Variants in AUTS2 observed in about 807,000 individuals in gnomAD.
AUTS2 encodes the protein activator of transcription and developmental regulator AUTS2.
AUTS2 carries 17 observed loss-of-function variants against 112.4 expected under a neutral mutation model. The ratio of observed to expected loss-of-function variants is 0.15; its 90% CI spans 0.10 to 0.23. AUTS2 has a LOEUF of 0.23. Ranked by LOEUF, AUTS2 falls within the 10% of genes least tolerant of loss-of-function variation. AUTS2 has a pLI of 1.00. For synonymous variants in AUTS2, 751 were observed against 702.7 expected, an observed-to-expected ratio of 1.07 and a Z score of -1.09; for missense variants, 1,510 against 1,701.6, an observed-to-expected ratio of 0.89 and a Z score of 1.98.
chr7:69,777,564 C>G (rs960320530), intron 1 of AUTS2, among the ~76,000 whole-genome samples: 1 of 152,174 alleles, frequency 6.6e-6, no homozygotes, highest in Non-Finnish European at 1.5e-5. Context: ...CTGTTTTACT[C>G]TAAGGCCTTT....
intron 5 of AUTS2, among the ~76,000 whole-genome samples, chr7:70,463,282 A>G (rs1052368312): frequency 2.0e-5 from 3 of 152,162 alleles, no homozygotes; most frequent in African/African-American, 4.8e-5. Context: ...AAATCTAAAA[A>G]CCCGTAGAAA....
rs148636651 is a variant in AUTS2 at position 70,453,237 on chromosome 7, G to C, written c.690+17456G>C. On this transcript the variant is annotated intron_variant, in intron 5 of 18. Coordinates refer to ENST00000342771, the MANE Select transcript of AUTS2 (RefSeq NM_015570.4). ...ATTAATTCACTGCCAATGAAACAAT[G>C]ATGGGAATTTTAATGATAGCGTTGC... 6.2e-4 allele frequency among the ~76,000 whole-genome samples: 95 copies of C among 152,324 alleles called. No individual in the cohort carries two copies. The South Asian group carries it at 0.016, about 26-fold the overall frequency.
chr7:70,672,348 C>G (rs1425159825), intron 5 of AUTS2, among the ~76,000 whole-genome samples: 1 of 152,188 alleles, frequency 6.6e-6, no homozygotes, highest in Non-Finnish European at 1.5e-5. Context: ...GGCAATATTA[C>G]TTGAGAAACA....
intron 6 of AUTS2, among the ~76,000 whole-genome samples, chr7:70,722,505 C>G (rs1438438570): frequency 6.6e-6 from 1 of 152,134 alleles, no homozygotes; most frequent in African/African-American, 2.4e-5. Flanking sequence ...TTTTCTCTTC[C>G]CCTCTTTTCT....
At chr7:69,755,908 C>T (rs1787926551) in intron 1 of AUTS2, among the ~76,000 whole-genome samples, 1 of 152,078 alleles carries the variant, frequency 6.6e-6, no homozygotes, top group South Asian at 2.1e-4. Context: ...AACTACAAAC[C>T]TGAATGATTT....
At chr7:70,259,719 G>A (rs1787067290) in intron 4 of AUTS2, among the ~76,000 whole-genome samples, 1 of 152,204 alleles carries the variant, frequency 6.6e-6, no homozygotes, top group South Asian at 2.1e-4. Flanking sequence ...AGCTTGTAGA[G>A]GACTTTTCTG....
intron 5 of AUTS2, among the ~76,000 whole-genome samples, chr7:70,651,290 A>G (rs1040436760): frequency 1.8e-4 from 28 of 152,220 alleles, no homozygotes; most frequent in African/African-American, 5.8e-4. Flanking sequence ...GTGGCTTCAT[A>G]GCCTGCCCCC....
chr7:70,378,539 T>C (rs964443620), intron 4 of AUTS2, among the ~76,000 whole-genome samples: 3 of 152,240 alleles, frequency 2.0e-5, no homozygotes, highest in Non-Finnish European at 4.4e-5. Flanking sequence ...GAATATGTTA[T>C]CTGTGTGCTA....
intron 1 of AUTS2, among the ~76,000 whole-genome samples, chr7:69,719,955 A>T (rs1798831985): frequency 6.6e-6 from 1 of 152,198 alleles, no homozygotes; most frequent in Admixed American, 6.5e-5. Context: ...AAATCACTTT[A>T]TTCTTTCATA....
At chr7:70,046,808 G>A (rs1381289838) in intron 2 of AUTS2, among the ~76,000 whole-genome samples, 2 of 152,126 alleles carry the variant, frequency 1.3e-5, no homozygotes. Context: ...TGTTTATTAT[G>A]CTCTGATAAA....
At chr7:70,738,420 T>TG (rs1050575917) in intron 6 of AUTS2, among the ~76,000 whole-genome samples, 1 of 149,658 alleles carries the variant, frequency 6.7e-6, no homozygotes, top group Admixed American at 6.7e-5. Context: ...AGTTTTTTGT[T>TG]TTTTTTTTTT....
intron 4 of AUTS2, among the ~76,000 whole-genome samples, chr7:70,174,556 G>A (rs569455452): frequency 2.0e-5 from 3 of 152,326 alleles, no homozygotes; most frequent in African/African-American, 7.2e-5. Context: ...AGCTAGAAAG[G>A]AGAAGTCCCA....
At position 69,747,834 on chromosome 7, in the gene AUTS2, A is replaced by G. The variant is rs538476398; in HGVS notation, c.309+147872A>G. On this transcript the variant is annotated intron_variant, in intron 1 of 18. Coordinates refer to ENST00000342771, the MANE Select transcript of AUTS2 (RefSeq NM_015570.4). ...GTGTGTGTATGAGAGAGAGAGAGAAAGTGTGCCAGAAATTATTTGCGTACG... is the reference window on the plus strand; with the variant it reads ...GTGTGTGTATGAGAGAGAGAGAGAAGGTGTGCCAGAAATTATTTGCGTACG... Among the ~76,000 whole-genome samples, 7 of 151,184 alleles carry G rather than the reference A, an allele frequency of 4.6e-5. No homozygotes were observed. The East Asian group carries it at 1.4e-3, about 29-fold the overall frequency.
At chr7:70,157,034 G>A (rs895321371) in intron 4 of AUTS2, among the ~76,000 whole-genome samples, 1 of 150,102 alleles carries the variant, frequency 6.7e-6, no homozygotes, top group Non-Finnish European at 1.5e-5. Flanking sequence ...CCAAGATTGT[G>A]CCATTTCACT....
chr7:69,817,851 C>T (rs985027348), intron 1 of AUTS2, among the ~76,000 whole-genome samples: 1 of 152,152 alleles, frequency 6.6e-6, no homozygotes, highest in Non-Finnish European at 1.5e-5. Context: ...TATCCCCACC[C>T]TCTGCAAAGC....
intron 1 of AUTS2, among the ~76,000 whole-genome samples, chr7:69,788,954 A>G (rs1224098829): frequency 2.6e-5 from 4 of 152,150 alleles, no homozygotes; most frequent in African/African-American, 7.2e-5. Flanking sequence ...GTTTTCCAAC[A>G]ACAGGAAACA....
chr7:69,982,825 G>A (rs778813462), intron 2 of AUTS2, among the ~76,000 whole-genome samples: 1 of 152,178 alleles, frequency 6.6e-6, no homozygotes, highest in Non-Finnish European at 1.5e-5. Flanking sequence ...AATCTTTCTT[G>A]GTATATTGTT....
intron 4 of AUTS2, among the ~76,000 whole-genome samples, chr7:70,393,977 G>C (rs1299432626): frequency 6.6e-6 from 1 of 152,166 alleles, no homozygotes; most frequent in Non-Finnish European, 1.5e-5. Flanking sequence ...TTGGGAACCT[G>C]CTCTATTCAC....
intron 3 of AUTS2, among the ~76,000 whole-genome samples, chr7:70,133,335 T>A (rs1431590994): frequency 6.6e-6 from 1 of 152,222 alleles, no homozygotes; most frequent in African/African-American, 2.4e-5. Context: ...CTGAGCCATT[T>A]TTCTTACACA....
Sources: gnomAD v4.1 joint callset for allele counts (sites outside exome capture counted in the v4.1 genomes callset) on GRCh38, gnomAD v4.1.1 for gene constraint, MANE v1.5 for transcripts, NCBI Gene and HGNC (gene_info 2026-07-23, HGNC 2026-07-21) for gene names.